The following MGMT variants were observed in gnomAD, a reference collection of about 807,000 sequenced individuals.
The protein encoded by MGMT is methylated-DNA--protein-cysteine methyltransferase.
Under a neutral mutation model 15.9 loss-of-function variants are expected in MGMT, and 14 were observed. The observed-to-expected ratio is 0.88, with a 90% CI of 0.58 to 1.37. MGMT has a LOEUF of 1.37. MGMT is among the 40% of genes most tolerant of loss of function. MGMT has a pLI of 0.00. For synonymous variants in MGMT, 130 were observed against 118.2 expected (o/e 1.10, Z -0.65); for missense variants, 282 against 268.1 (o/e 1.05, Z -0.36).
At chr10:129,679,748 C>G (rs544482667) in intron 2 of MGMT, among the ~76,000 whole-genome samples, 2 of 152,116 alleles carry the variant, frequency 1.3e-5, no homozygotes, top group Non-Finnish European at 2.9e-5. Flanking sequence ...TATCTTACCT[C>G]GATGCCATTG....
At chr10:129,657,008 A>G (rs1482633745) in intron 2 of MGMT, among the ~76,000 whole-genome samples, 2 of 152,188 alleles carry the variant, frequency 1.3e-5, no homozygotes. Context: ...TAAGACATCT[A>G]AAGCTGCCAC....
chr10:129,591,477 A>T (rs1225698178), intron 2 of MGMT, among the ~76,000 whole-genome samples: 1 of 152,154 alleles, frequency 6.6e-6, no homozygotes, highest in East Asian at 1.9e-4. Context: ...CAGGTCAGAG[A>T]TGCCTCTGTA....
chr10:129,597,699 G>A (rs911964026), intron 2 of MGMT, among the ~76,000 whole-genome samples: 6 of 152,106 alleles, frequency 3.9e-5, no homozygotes, highest in African/African-American at 1.2e-4. Flanking sequence ...TGATCAGGAC[G>A]CTGAGTGTGG....
intron 2 of MGMT, among the ~76,000 whole-genome samples, chr10:129,699,095 C>T (rs1848066074): frequency 6.6e-6 from 1 of 152,070 alleles, no homozygotes; most frequent in Admixed American, 6.6e-5. Context: ...CTTCATCTGT[C>T]AAATAGTAGA....
chr10:129,501,276 C>T (rs891510029), intron 1 of MGMT, among the ~76,000 whole-genome samples: 2 of 152,198 alleles, frequency 1.3e-5, no homozygotes, highest in African/African-American at 4.8e-5. Context: ...TCAGAGCTAC[C>T]CTGCCTCCTG....
chr10:129,664,947 G>C (rs1213735795), intron 2 of MGMT, among the ~76,000 whole-genome samples: 2 of 152,180 alleles, frequency 1.3e-5, no homozygotes, highest in Non-Finnish European at 2.9e-5. Flanking sequence ...AGTGCCAAGT[G>C]CTGATGAAGA....
chr10:129,659,805 C>T lies in MGMT; in HGVS notation c.126-48090C>T, dbSNP rs901423586. ...TAAAAGTCTAAATTGAACCAAAGTC[C>T]TCCTTAAAGATTGCCTTTGAAATTG... is the stretch of plus-strand genomic sequence containing the variant. On this transcript the variant is annotated intron_variant, in intron 2 of 4. Coordinates refer to ENST00000651593, the MANE Select transcript of MGMT (RefSeq NM_002412.5). The surrounding 1 kb of genome is among the most constrained non-coding windows in gnomAD (Gnocchi z 4.1). Among the ~76,000 whole-genome samples the T allele has an allele frequency of 1.3e-5, 2 of 152,186 alleles. No individual in the cohort carries two copies. The highest frequency in any genetic ancestry group is 2.4e-5 in the African/African-American group (1 of 41,452).
intron 3 of MGMT, among the ~76,000 whole-genome samples, chr10:129,746,281 C>G (rs980154781): frequency 6.7e-6 from 1 of 150,080 alleles, no homozygotes; most frequent in Non-Finnish European, 1.5e-5. Flanking sequence ...ACCTGACTTT[C>G]ATAGACCAAA....
At position 129,746,238 on chromosome 10, in the gene MGMT, C is replaced by CA. The variant is rs57022839; in HGVS notation, c.275-12947dup. On this transcript the variant is annotated intron_variant, in intron 3 of 4. Coordinates refer to ENST00000651593, the MANE Select transcript of MGMT (RefSeq NM_002412.5). ...TAGGGGACAGAGCGAGACTCTGTCTCAAAAAAAAAAAAAAAAACAAACAAA... is the reference window on the plus strand; with the variant it reads ...TAGGGGACAGAGCGAGACTCTGTCTCAAAAAAAAAAAAAAAAAACAAACAAA... Among the ~76,000 whole-genome samples, 748 of 104,716 alleles carry CA rather than the reference C, an allele frequency of 7.1e-3. 10 individuals are homozygous for CA. Among genetic ancestry groups the CA allele is most frequent in the East Asian group, 0.029 (113 of 3,878 alleles). The allele number at this position is 104,716 out of a possible 152,430, so 68.7% of individuals were successfully genotyped here.
intron 3 of MGMT, among the ~76,000 whole-genome samples, chr10:129,722,817 C>G (rs1848387614): frequency 6.6e-6 from 1 of 151,986 alleles, no homozygotes; most frequent in African/African-American, 2.4e-5. Context: ...ACCAGCCTTG[C>G]AAACATAGCA....
At position 129,659,419 on chromosome 10, in the gene MGMT, G is replaced by A. The variant is rs781418118; in HGVS notation, c.126-48476G>A. Among the ~76,000 whole-genome samples the A allele has an allele frequency of 5.3e-5, 8 of 151,662 alleles. No homozygotes were observed. Among genetic ancestry groups the A allele is most frequent in the Non-Finnish European group, 7.4e-5 (5 of 68,004 alleles). On this transcript the variant is annotated intron_variant, in intron 2 of 4. Transcript: ENST00000651593. The surrounding 1 kb of genome is among the most constrained non-coding windows in gnomAD (Gnocchi z 4.1). ...TCTGCCTGGGTTGTTTTCTAAATGCGTTTGGCTGGAGATAGAACAGATCCT... is the reference window on the plus strand; with the variant it reads ...TCTGCCTGGGTTGTTTTCTAAATGCATTTGGCTGGAGATAGAACAGATCCT...
intron 1 of MGMT, among the ~76,000 whole-genome samples, chr10:129,513,906 T>TA (rs1354009967): frequency 1.3e-5 from 2 of 152,250 alleles, no homozygotes; most frequent in African/African-American, 4.8e-5. Context: ...ATCTTTTCTC[T>TA]AAAAAACGTT....
intron 2 of MGMT, among the ~76,000 whole-genome samples, chr10:129,561,441 G>A (rs76551530): frequency 0.033 from 4,950 of 152,228 alleles, 131 homozygotes; most frequent in South Asian, 0.065. Context: ...GTTCTTTGCC[G>A]GATGCTACCG....
intron 1 of MGMT, among the ~76,000 whole-genome samples, chr10:129,468,399 C>G (rs1293031919): frequency 6.6e-6 from 1 of 152,050 alleles, no homozygotes; most frequent in East Asian, 1.9e-4. Flanking sequence ...TTGCCCAGAC[C>G]CGGAGTCTGC....
intron 2 of MGMT, among the ~76,000 whole-genome samples, chr10:129,682,367 G>A (rs564112223): frequency 2.6e-5 from 4 of 152,114 alleles, no homozygotes; most frequent in African/African-American, 7.2e-5. Context: ...GATCTAAAGG[G>A]CATTAGGTGG....
intron 3 of MGMT, among the ~76,000 whole-genome samples, chr10:129,712,415 G>GCATGA (rs1223284181): frequency 4.6e-5 from 7 of 152,202 alleles, no homozygotes; most frequent in Admixed American, 4.6e-4. Flanking sequence ...AAATCCAGTT[G>GCATGA]CATGACAGCA....
intron 2 of MGMT, among the ~76,000 whole-genome samples, chr10:129,567,354 A>G (rs1564854820): frequency 6.6e-6 from 1 of 151,562 alleles, no homozygotes; most frequent in Admixed American, 6.6e-5. Flanking sequence ...AGCAGGACAG[A>G]CCCCCCCAGA....
At chr10:129,478,716 C>T (rs936745670) in intron 1 of MGMT, among the ~76,000 whole-genome samples, 1 of 152,192 alleles carries the variant, frequency 6.6e-6, no homozygotes, top group Non-Finnish European at 1.5e-5. Flanking sequence ...GGCACTGTGC[C>T]CCTGGCATCT....
At chr10:129,639,667 T>C (rs1471920320) in intron 2 of MGMT, among the ~76,000 whole-genome samples, 1 of 152,180 alleles carries the variant, frequency 6.6e-6, no homozygotes, top group East Asian at 1.9e-4. Context: ...TATCAAAAGC[T>C]GTGGGTTGCG....
Sources: gnomAD v4.1 joint callset for allele counts (sites outside exome capture counted in the v4.1 genomes callset) on GRCh38, gnomAD v4.1.1 for gene constraint, Gnocchi (gnomAD v3.1) non-coding constraint, MANE v1.5 for transcripts, NCBI Gene and HGNC (gene_info 2026-07-23, HGNC 2026-07-21) for gene names.